ST7: variants seen among roughly 807,000 people sequenced by gnomAD.
ST7 encodes the protein suppression of tumorigenicity 7, also known as suppressor of tumorigenicity 7 protein.
A neutral mutation model predicts 78.7 loss-of-function variants in ST7; 28 were observed. The observed-to-expected ratio is 0.36, with a 90% CI of 0.26 to 0.49. The LOEUF (loss-of-function observed/expected upper bound fraction) is 0.49. ST7 is among the 20% of genes least tolerant of loss of function. ST7 has a pLI of 0.99. For synonymous variants in ST7, 247 were observed against 249.6 expected (o/e 0.99, Z 0.10); for missense variants, 418 against 696.0 (o/e 0.60, Z 4.49).
chr7:117,097,732 A>AG (rs1801163218), intron 1 of ST7, among the ~76,000 whole-genome samples: 1 of 150,022 alleles, frequency 6.7e-6, no homozygotes, highest in African/African-American at 2.5e-5. Context: ...TATAAGCTGT[A>AG]GGGGTGTTTT....
chr7:117,096,056 A>G (rs1584642965), intron 1 of ST7, among the ~76,000 whole-genome samples: 1 of 123,890 alleles, frequency 8.1e-6, no homozygotes, highest in East Asian at 2.7e-4. Flanking sequence ...CAACAGAGCG[A>G]GATTCTGCCT....
chr7:117,097,908 A>ATATAT, intron 1 of ST7, among the ~76,000 whole-genome samples: 5 of 30,016 alleles, frequency 1.7e-4, no homozygotes, highest in African/African-American at 6.4e-4. Flanking sequence ...ATATATATAT[A>ATATAT]TTTTTTTTTT....
intron 2 of ST7, among the ~76,000 whole-genome samples, chr7:117,112,953 G>T (rs1001058997): frequency 2.4e-4 from 37 of 152,352 alleles, no homozygotes; most frequent in Admixed American, 2.4e-3. Flanking sequence ...GGCAAAGAAA[G>T]TAGATTGATA....
At chr7:117,012,799 A>C (rs1287805969) in intron 1 of ST7, among the ~76,000 whole-genome samples, 1 of 152,170 alleles carries the variant, frequency 6.6e-6, no homozygotes, top group African/African-American at 2.4e-5. Flanking sequence ...ATGGGAGTTG[A>C]ATCTTCTCTG....
intron 1 of ST7, among the ~76,000 whole-genome samples, chr7:117,087,663 C>G (rs747677470): frequency 6.6e-6 from 1 of 152,228 alleles, no homozygotes; most frequent in Non-Finnish European, 1.5e-5. Flanking sequence ...TACTGCCAGA[C>G]TGCCTGTAGA....
intron 1 of ST7, among the ~76,000 whole-genome samples, chr7:117,029,601 T>C (rs1052328352): frequency 6.6e-6 from 1 of 152,172 alleles, no homozygotes; most frequent in African/African-American, 2.4e-5. Context: ...TATCAATTTC[T>C]TCTGTCCTAT....
At chr7:117,202,311 C>T (rs888729283) in intron 12 of ST7, among the ~76,000 whole-genome samples, 5 of 152,182 alleles carry the variant, frequency 3.3e-5, no homozygotes, top group African/African-American at 1.2e-4. Context: ...CAGCTTCCAT[C>T]TCTGGCCCAG....
intron 3 of ST7, among the ~76,000 whole-genome samples, chr7:117,129,436 A>G (rs1804151576): frequency 6.6e-6 from 1 of 151,930 alleles, no homozygotes; most frequent in Non-Finnish European, 1.5e-5. Flanking sequence ...CTGACAGAAA[A>G]TAGTTTTACT....
At chr7:117,044,777 A>G (rs1797406209) in intron 1 of ST7, among the ~76,000 whole-genome samples, 1 of 152,090 alleles carries the variant, frequency 6.6e-6, no homozygotes, top group Admixed American at 6.5e-5. Flanking sequence ...CACCTCTCTA[A>G]ACACTGTGTA....
intron 1 of ST7, among the ~76,000 whole-genome samples, chr7:117,028,886 C>G (rs1374623468): frequency 6.6e-6 from 1 of 152,114 alleles, no homozygotes; most frequent in African/African-American, 2.4e-5. Flanking sequence ...GCAGGAATGC[C>G]TATACAGTTG....
At chr7:116,972,543 A>G in intron 1 of ST7, 2 of 1,287,184 alleles carry the variant, frequency 1.6e-6, no homozygotes, top group Non-Finnish European at 2.2e-6. Flanking sequence ...CATATTTCCT[A>G]TTTGCCTCTT....
At chr7:116,986,511 T>C (rs1011423494) in intron 1 of ST7, among the ~76,000 whole-genome samples, 1 of 152,244 alleles carries the variant, frequency 6.6e-6, no homozygotes, top group Non-Finnish European at 1.5e-5. Context: ...AGAATGCCAC[T>C]GTAAGAATAA....
At chr7:117,011,134 TTG>T (rs147299288) in intron 1 of ST7, among the ~76,000 whole-genome samples, 47 of 150,990 alleles carry the variant, frequency 3.1e-4, no homozygotes, top group African/African-American at 7.8e-4. Flanking sequence ...TTTAAGTATT[TTG>T]TGTGTGTGTG....
intron 1 of ST7, among the ~76,000 whole-genome samples, chr7:117,086,915 C>A (rs1195183358): frequency 6.6e-6 from 1 of 152,198 alleles, no homozygotes; most frequent in Non-Finnish European, 1.5e-5. Flanking sequence ...TTTTGGACAA[C>A]CATGCAGCTG....
At chr7:116,959,780 T>C (rs1251370185) in intron 1 of ST7, 1 of 152,222 alleles carries the variant, frequency 6.6e-6, no homozygotes, top group Non-Finnish European at 1.5e-5. Context: ...TTTGGAGATA[T>C]TTTTCTCAGC....
chr7:116,977,119 G>T (rs562412751), intron 1 of ST7, among the ~76,000 whole-genome samples: 1 of 152,298 alleles, frequency 6.6e-6, no homozygotes, highest in African/African-American at 2.4e-5. Context: ...AGTAATGTCA[G>T]ATATTCTGAG....
chr7:117,004,066 T>G (rs913664770), intron 1 of ST7, among the ~76,000 whole-genome samples: 2 of 152,234 alleles, frequency 1.3e-5, no homozygotes, highest in Non-Finnish European at 2.9e-5. Flanking sequence ...GGTTTTTTCT[T>G]TTTTGAAAAG....
intron 1 of ST7, among the ~76,000 whole-genome samples, chr7:117,097,032 C>CT: frequency 6.6e-6 from 1 of 151,900 alleles, no homozygotes; most frequent in African/African-American, 2.4e-5. Flanking sequence ...TTTTTAATCT[C>CT]TTTTAAAAAA....
At chr7:117,023,251 CA>C (rs376833434) in intron 1 of ST7, among the ~76,000 whole-genome samples, 1 of 151,162 alleles carries the variant, frequency 6.6e-6, no homozygotes, top group Admixed American at 6.6e-5. Context: ...CCTTCCTCAC[CA>C]AAAAAAACAG....
Sources: allele counts gnomAD v4.1 joint callset (sites outside exome capture counted in the v4.1 genomes callset), GRCh38; gene constraint gnomAD v4.1.1; transcripts MANE v1.5; gene names NCBI Gene and HGNC (gene_info 2026-07-23, HGNC 2026-07-21).